Variants in LGSN observed in about 807,000 individuals in gnomAD.
LGSN encodes the protein lengsin.
Under a neutral mutation model 19.5 loss-of-function variants are expected in LGSN, and 21 were observed. That is an observed-to-expected ratio of 1.07 (90% CI 0.76 to 1.55). LGSN has a LOEUF of 1.55. LGSN is among the 40% of genes most tolerant of loss of function. LGSN has a pLI of 0.00. For missense variants in LGSN, 673 were observed against 608.5 expected (o/e 1.11, Z -1.12); for synonymous variants, 257 against 215.6 (o/e 1.19, Z -1.68).
chr6:63,551,084 G>C, the LGSN span, among the ~76,000 whole-genome samples: 1 of 151,760 alleles, frequency 6.6e-6, no homozygotes, highest in Middle Eastern at 3.2e-3. Context: ...CTGTTGTTTT[G>C]AGATGGAGTC....
At chr6:63,432,179 GAAAGAAAAGAAAAGAAAAGA>G in the LGSN span, among the ~76,000 whole-genome samples, 53,683 of 113,122 alleles carry the variant, frequency 0.47, 15,438 homozygotes, top group Middle Eastern at 0.54. Flanking sequence ...GAAAAGGAAA[GAAAGAAAAGAAAAGAAAAGA>G]AAAGAAAAGA....
At chr6:63,485,566 C>T in the LGSN span, among the ~76,000 whole-genome samples, 7 of 152,156 alleles carry the variant, frequency 4.6e-5, no homozygotes, top group South Asian at 2.1e-4. Flanking sequence ...GGTATTGCTG[C>T]GCCAAATTAT....
the LGSN span, among the ~76,000 whole-genome samples, chr6:63,372,734 G>A: frequency 6.6e-6 from 1 of 151,834 alleles, no homozygotes; most frequent in African/African-American, 2.4e-5. Context: ...CCATCATATG[G>A]AATCTAAGAC....
the LGSN span, among the ~76,000 whole-genome samples, chr6:63,558,084 C>G: frequency 6.6e-6 from 1 of 152,092 alleles, no homozygotes; most frequent in African/African-American, 2.4e-5. Flanking sequence ...ATTGGCCAGG[C>G]TGGTCTCGAA....
chr6:63,306,590 T>C (rs1008172696), intron 1 of LGSN, among the ~76,000 whole-genome samples: 10 of 152,168 alleles, frequency 6.6e-5, no homozygotes, highest in African/African-American at 2.4e-4. Flanking sequence ...ACAAAGAATA[T>C]TACAATCTAG....
At chr6:63,397,715 T>G in the LGSN span, among the ~76,000 whole-genome samples, 2 of 152,090 alleles carry the variant, frequency 1.3e-5, no homozygotes, top group African/African-American at 2.4e-5. Context: ...CAGAAGTTTT[T>G]GAGACCAACC....
At chr6:63,283,184 G>A (rs576756083) in intron 3 of LGSN, among the ~76,000 whole-genome samples, 36 of 151,830 alleles carry the variant, frequency 2.4e-4, no homozygotes, top group African/African-American at 8.5e-4. Context: ...TTCTTTTCTT[G>A]GACATAGAGA....
At chr6:63,315,654 G>A (rs1298042239) in intron 1 of LGSN, among the ~76,000 whole-genome samples, 2 of 128,212 alleles carry the variant, frequency 1.6e-5, no homozygotes, top group Admixed American at 7.9e-5. Context: ...GTGTGTGTGT[G>A]TATGCATGCT....
chr6:63,332,092 T>G, the LGSN span, among the ~76,000 whole-genome samples: 1 of 152,182 alleles, frequency 6.6e-6, no homozygotes, highest in South Asian at 2.1e-4. Context: ...GCTTCAGGAA[T>G]AGCTTTTGTT....
chr6:63,314,556 C>A (rs115487726), intron 1 of LGSN, among the ~76,000 whole-genome samples: 4,035 of 152,232 alleles, frequency 0.027, 179 homozygotes, highest in African/African-American at 0.093. Flanking sequence ...TTCATGAGTG[C>A]CTTTCAGATG....
intron 1 of LGSN, among the ~76,000 whole-genome samples, chr6:63,307,919 A>G (rs988326678): frequency 3.9e-5 from 6 of 152,192 alleles, no homozygotes; most frequent in Non-Finnish European, 8.8e-5. Flanking sequence ...GAGGATTCTT[A>G]GAGTGGGGCA....
At chr6:63,448,469 A>G in the LGSN span, among the ~76,000 whole-genome samples, 5 of 152,146 alleles carry the variant, frequency 3.3e-5, no homozygotes, top group Admixed American at 1.3e-4. Flanking sequence ...AACGAAATCT[A>G]TGAAAAATTA....
At chr6:63,493,985 T>C in the LGSN span, among the ~76,000 whole-genome samples, 123 of 148,472 alleles carry the variant, frequency 8.3e-4, no homozygotes, top group Admixed American at 4.6e-3. Flanking sequence ...AGTCTTGCTC[T>C]GTCGCCCAGG....
the LGSN span, chr6:63,571,310 C>T: frequency 1.3e-5 from 2 of 152,182 alleles, no homozygotes; most frequent in Non-Finnish European, 2.9e-5. Flanking sequence ...AAAGCCCTCT[C>T]CAATCTCATA....
the LGSN span, among the ~76,000 whole-genome samples, chr6:63,427,124 C>A: frequency 1.3e-5 from 2 of 151,346 alleles, no homozygotes; most frequent in African/African-American, 2.4e-5. Context: ...CGGCTCACTG[C>A]AACCACCACC....
the LGSN span, among the ~76,000 whole-genome samples, chr6:63,450,406 G>T: frequency 1.3e-5 from 2 of 149,008 alleles, no homozygotes; most frequent in African/African-American, 2.5e-5. Context: ...AATAAGCAAG[G>T]TGTGGTGGCA....
chr6:63,353,634 T>A, the LGSN span, among the ~76,000 whole-genome samples: 413 of 142,436 alleles, frequency 2.9e-3, 1 homozygote, highest in African/African-American at 0.01. Context: ...TCACAGAAAT[T>A]GAAAAAACAA....
chr6:63,455,553 A>G, the LGSN span, among the ~76,000 whole-genome samples: 70,237 of 151,786 alleles, frequency 0.46, 18,079 homozygotes, highest in Non-Finnish European at 0.56. Context: ...TCAGGAGTTC[A>G]AGACCAGCCT....
At chr6:63,312,975 G>A (rs948092453) in intron 1 of LGSN, among the ~76,000 whole-genome samples, 1 of 152,144 alleles carries the variant, frequency 6.6e-6, no homozygotes, top group Non-Finnish European at 1.5e-5. Flanking sequence ...TGTGTCATCT[G>A]GAGGTGTCCA....
Sources: allele counts gnomAD v4.1 joint callset (sites outside exome capture counted in the v4.1 genomes callset), GRCh38; gene constraint gnomAD v4.1.1; transcripts MANE v1.5; gene names NCBI Gene and HGNC (gene_info 2026-07-23, HGNC 2026-07-21).